The following NUTM2D variants were observed in gnomAD, a reference collection of about 807,000 sequenced individuals.
The protein encoded by NUTM2D is NUT family member 2A pseudogene.
NUTM2D carries 2 observed loss-of-function variants against 43.5 expected under a neutral mutation model. The ratio of observed to expected loss-of-function variants is 0.05; its 90% CI spans 0.02 to 0.14. The LOEUF (loss-of-function observed/expected upper bound fraction) is 0.14, where lower values mean the gene tolerates loss of function less well. Among genes scored for constraint, NUTM2D ranks in the 10% least tolerant of loss-of-function variants. NUTM2D has a pLI of 1.00. For synonymous variants in NUTM2D, 24 were observed against 276.6 expected, an observed-to-expected ratio of 0.09 and a Z score of 9.06; for missense variants, 48 against 668.7, an observed-to-expected ratio of 0.07 and a Z score of 10.24.
chr10:87,361,292 G>A (rs1466677919), intron 2 of NUTM2D, 112 bp downstream of exon 2: 4 of 443,788 alleles, frequency 9.0e-6, no homozygotes, highest in Non-Finnish European at 1.6e-5. Flanking sequence ...TTGTGAGGGT[G>A]ATGGGCTGCA....
intron 5 of NUTM2D, 141 bp downstream of exon 5, chr10:87,365,344 T>C (rs1850284724): frequency 1.3e-6 from 2 of 1,508,704 alleles, no homozygotes; most frequent in Non-Finnish European, 1.8e-6. Context: ...TGATTGTGTG[T>C]GTCTGTGTGT....
Position 87,360,682 on chromosome 10 carries a change from C to G in NUTM2D, c.368C>G (p.Pro123Arg). Residue 123 changes from proline (P) to arginine (R), a missense_variant, in exon 2 of 7, where the codon CCG (proline) becomes CGG (arginine). By Grantham distance (103) the Pro-to-Arg change is moderately radical (BLOSUM62 -2). Transcript: ENST00000381697. Reference sequence around the variant, plus strand: ...GTGACAGAACAGGATGGCTGCGGCCCGAGTGGGGCCGGGGCTTCCAACGTC... The same window carrying G: ...GTGACAGAACAGGATGGCTGCGGCCGGAGTGGGGCCGGGGCTTCCAACGTC... Reference protein sequence around the residue: ...PLVTEQDGCGPSGAGASNVFV... With the variant: ...PLVTEQDGCGRSGAGASNVFV... The G allele has an allele frequency of 1.9e-6, 1 of 528,506 alleles. No individual in the cohort carries two copies. 32.7% of individuals were successfully genotyped at this position (528,506 alleles called of 1,614,324 possible).
chr10:87,369,855 C>A (rs1000000514), downstream of NUTM2D: 1 of 151,948 alleles, frequency 6.6e-6, no homozygotes, highest in African/African-American at 2.4e-5. Flanking sequence ...CCCCTCCCTT[C>A]ACCATTGGAT....
At chr10:87,369,857 C>T (rs565400232), downstream of NUTM2D, 6 of 152,070 alleles carry the variant, frequency 3.9e-5, no homozygotes, top group East Asian at 1.2e-3. Flanking sequence ...CCTCCCTTCA[C>T]CATTGGATGA....
rs773005208 is a variant in NUTM2D, at chr10:87,358,358, TG to T, written c.95del (p.Gly32AlafsTer12). Reference sequence around the variant, plus strand: ...CAGGTCACTCTCTGGGTCTTACCCTTGGCTTTTCTCATTGTGGAAACTGCCA... The same window carrying T: ...CAGGTCACTCTCTGGGTCTTACCCTTGCTTTTCTCATTGTGGAAACTGCCA... The part of the protein sequence containing the change: ...EPGHSLGLTL[G>X]FSHCGNCQTA... On this transcript the variant is annotated frameshift_variant, in exon 1 of 7. Transcript: ENST00000381697. LOFTEE classifies it high-confidence loss of function. The T allele has an allele frequency of 1.2e-6, 2 of 1,613,806 alleles. No individual in the cohort carries two copies. Among genetic ancestry groups the T allele is most frequent in the African/African-American group, 2.7e-5 (2 of 74,944 alleles).
At chr10:87,369,456 C>T (rs1850333580), downstream of NUTM2D, 1 of 150,322 alleles carries the variant, frequency 6.7e-6, no homozygotes, top group African/African-American at 2.5e-5. Flanking sequence ...CCACCACCCC[C>T]AAGTCTATGG....
rs560290309 is a variant in NUTM2D, at chr10:87,359,849, C to T, written c.167-632C>T. Reference sequence around the variant, plus strand: ...TGGCCCGAATCTGACCCCTATTTAGCACTTGCTGTGGGTGGTGCCAGGACA... The same window carrying T: ...TGGCCCGAATCTGACCCCTATTTAGTACTTGCTGTGGGTGGTGCCAGGACA... On this transcript the variant is annotated intron_variant, in intron 1 of 6. Transcript: ENST00000381697. Among the ~76,000 whole-genome samples, 3 of 152,352 alleles carry T rather than the reference C, an allele frequency of 2.0e-5. No homozygotes were observed. In the East Asian group the frequency reaches 5.8e-4, roughly 29 times the overall value.
chr10:87,365,494 TTG>T (rs1175776592), intron 5 of NUTM2D, among the ~76,000 whole-genome samples, 193 bp from the exon 6 acceptor site: 1 of 119,746 alleles, frequency 8.4e-6, no homozygotes, highest in Non-Finnish European at 1.7e-5. Flanking sequence ...TGTGTGTGGT[TTG>T]TGTGTCTCTG....
intron 2 of NUTM2D, among the ~76,000 whole-genome samples, chr10:87,362,927 C>G (rs1346645132): frequency 6.7e-6 from 1 of 149,572 alleles, no homozygotes; most frequent in Non-Finnish European, 1.5e-5. Flanking sequence ...ACTGAGGACT[C>G]GAGGGGCAGT....
downstream of NUTM2D, chr10:87,369,908 C>G (rs1182330819): frequency 6.6e-6 from 1 of 152,090 alleles, no homozygotes; most frequent in Non-Finnish European, 1.5e-5. Flanking sequence ...GAAACTCCAT[C>G]TGACAACGTG....
intron 1 of NUTM2D, among the ~76,000 whole-genome samples, 165 bp from the exon 2 acceptor site, chr10:87,360,316 A>C (rs1850252222): frequency 6.0e-5 from 1 of 16,736 alleles, no homozygotes; most frequent in Admixed American, 5.7e-4. Flanking sequence ...TAGTGGAGCG[A>C]CTCTCCGTGG....
downstream of NUTM2D, chr10:87,369,754 TGGTC>T (rs910745692): frequency 1.3e-4 from 19 of 149,214 alleles, no homozygotes; most frequent in Non-Finnish European, 2.5e-4. Flanking sequence ...CTGAGGCTCT[TGGTC>T]GGCTTGGCCT....
chr10:87,365,197 C>T lies in NUTM2D; in HGVS notation c.1512C>T (p.Val504=). 6.8e-7 allele frequency: 1 copy of T among 1,459,936 alleles called. No individual in the cohort carries two copies. The highest frequency in any genetic ancestry group is 1.3e-5 in the South Asian group (1 of 75,740). The allele number at this position is 1,459,936 out of a possible 1,614,324, so 90.4% of individuals were successfully genotyped here. A position where few individuals can be genotyped will look rare whatever the true frequency, so the allele number is the denominator to read the frequency against. The change falls in exon 5 of 7, where the codon GTC becomes GTT. Residue 504 remains valine (V), a synonymous_variant. Coordinates refer to ENST00000381697, the MANE Select transcript of NUTM2D (RefSeq NM_001382304.1). ...TDKLCSQKDF[V]TKVEAVIHPQ... is the part of the protein sequence containing the mutation. Reference sequence around the variant, plus strand: ...AGCTGTGTTCCCAGAAAGACTTCGTCACCAAGGTGGGCTGGCCTGGAGTGC... The same window carrying T: ...AGCTGTGTTCCCAGAAAGACTTCGTTACCAAGGTGGGCTGGCCTGGAGTGC...
chr10:87,367,286 G>A (rs1480099057), downstream of NUTM2D: 12 of 1,602,752 alleles, frequency 7.5e-6, no homozygotes, highest in Non-Finnish European at 1.0e-5. Context: ...CAGATGCCAG[G>A]CTCTGGGAAC....
downstream of NUTM2D, chr10:87,370,115 T>C (rs1435729641): frequency 1.3e-5 from 2 of 152,280 alleles, no homozygotes; most frequent in Non-Finnish European, 2.9e-5. Flanking sequence ...CAATGGCATC[T>C]ACATTTTTAG....
rs1184453724 is a variant in NUTM2D at position 87,364,836 on chromosome 10, A to G, written c.1151A>G (p.Lys384Arg). The part of the protein sequence containing the change: ...VVKQPVYLPS[K>R]AGPKAPTACL... ...TCTGCCTCAGTGTACCTTCCCAGCAAGGCCGGCCCCAAGGCCCCGACTGCC... is the reference window on the plus strand; with the variant it reads ...TCTGCCTCAGTGTACCTTCCCAGCAGGGCCGGCCCCAAGGCCCCGACTGCC... Residue 384 changes from lysine to arginine, a missense_variant, in exon 5 of 7, where the codon AAG becomes AGG. Transcript: ENST00000381697. 3 of 616,824 alleles carry G rather than the reference A, an allele frequency of 4.9e-6. No homozygotes were observed. Among genetic ancestry groups the G allele is most frequent in the Non-Finnish European group, 7.1e-6 (3 of 424,618 alleles). The allele number at this position is 616,824 out of a possible 1,614,324, so 38.2% of individuals were successfully genotyped here.
At chr10:87,369,498 A>G (rs1850334134), downstream of NUTM2D, 1 of 151,324 alleles carries the variant, frequency 6.6e-6, no homozygotes, top group Non-Finnish European at 1.5e-5. Flanking sequence ...TGTGACTAGG[A>G]CAAAGTCCAT....
In NUTM2D at chr10:87,361,714, C is replaced by T. The variant is rs1462570056; in HGVS notation, c.866+534C>T. On this transcript the variant is annotated intron_variant, in intron 2 of 6. Coordinates refer to ENST00000381697, the MANE Select transcript of NUTM2D (RefSeq NM_001382304.1). Reference sequence around the variant, plus strand: ...GGGGCCGATGCCGGGCAGGTATTTGCATCTTCACCCTCAATCCCTCCTAGA... The same window carrying T: ...GGGGCCGATGCCGGGCAGGTATTTGTATCTTCACCCTCAATCCCTCCTAGA... Among the ~76,000 whole-genome samples, 2 of 52,652 alleles carry T rather than the reference C, an allele frequency of 3.8e-5. 1 individual carries two copies. Among genetic ancestry groups the T allele is most frequent in the Non-Finnish European group, 8.4e-5 (2 of 23,824 alleles). The allele number at this position is 52,652 out of a possible 152,430, so 34.5% of individuals were successfully genotyped here.
At chr10:87,358,456 T>A (rs1374131788) in intron 1 of NUTM2D, 25 bp downstream of exon 1, 1 of 1,613,474 alleles carries the variant, frequency 6.2e-7, no homozygotes, top group East Asian at 2.2e-5. Context: ...ATGGGGGCAT[T>A]ATCTGAGTCT....
Sources: allele counts gnomAD v4.1 joint callset (sites outside exome capture counted in the v4.1 genomes callset), GRCh38; gene constraint gnomAD v4.1.1; transcripts MANE v1.5; gene names NCBI Gene and HGNC (gene_info 2026-07-23, HGNC 2026-07-21).